Variants in PHF19 observed in about 807,000 individuals in gnomAD.
PHF19 encodes PHD finger protein 19.
Under a neutral mutation model 79.8 loss-of-function variants are expected in PHF19, and 21 were observed. The observed-to-expected ratio is 0.26, with a 90% CI of 0.19 to 0.38. The LOEUF (loss-of-function observed/expected upper bound fraction) is 0.38, where lower values mean the gene tolerates loss of function less well. Among genes scored for constraint, PHF19 ranks in the 10% least tolerant of loss-of-function variants. The probability of loss-of-function intolerance (pLI) is 1.00; values close to 1 mark genes in which losing one functional copy is unlikely to be tolerated. For missense variants in PHF19, 445 were observed against 744.2 expected (o/e 0.60, Z 4.68); for synonymous variants, 273 against 296.3 (o/e 0.92, Z 0.81).
chr9:120,877,725 C>T (rs1031853806), upstream of PHF19, among the ~76,000 whole-genome samples: 2 of 152,206 alleles, frequency 1.3e-5, no homozygotes, highest in Non-Finnish European at 2.9e-5. Flanking sequence ...AGGCGTTCGG[C>T]ACAGAGACAC....
chr9:120,861,008 T>C (rs920605546), intron 13 of PHF19, 81 bp downstream of exon 13: 79 of 853,752 alleles, frequency 9.3e-5, no homozygotes, highest in Non-Finnish European at 1.2e-4. Flanking sequence ...GCAGGGATCC[T>C]TTTAACTGAG....
intron 1 of PHF19, among the ~76,000 whole-genome samples, chr9:120,889,907 C>T (rs1287467598): frequency 6.6e-6 from 1 of 152,054 alleles, no homozygotes; most frequent in Admixed American, 6.6e-5. Flanking sequence ...CTGGACTGGA[C>T]TTGGACTTAG....
Position 120,858,194 on chromosome 9 carries a change from C to T in PHF19, c.1493G>A (p.Cys498Tyr), listed in dbSNP as rs771726515. ...KRWAAELDGR[C>Y]PSDSSAEGAS... Reference sequence around the variant, plus strand: ...CCCCTCTGCACTGCTGTCCGAGGGGCAGCGTCCATCCAGCTCAGCTGCCCA... The same window carrying T: ...CCCCTCTGCACTGCTGTCCGAGGGGTAGCGTCCATCCAGCTCAGCTGCCCA... The change falls in exon 15 of 15, where the codon TGC becomes TAC. Residue 498 changes from cysteine (C) to tyrosine (Y), a missense_variant. Transcript: ENST00000373896. 2.5e-6 allele frequency: 4 copies of T among 1,598,284 alleles called. No homozygotes were observed. The highest frequency in any genetic ancestry group is 2.2e-5 in the East Asian group (1 of 44,480).
At chr9:120,880,635 G>C (rs920472720), upstream of PHF19, among the ~76,000 whole-genome samples, 18 of 152,204 alleles carry the variant, frequency 1.2e-4, no homozygotes, top group Non-Finnish European at 2.5e-4. Context: ...TTGTAGCATA[G>C]GTACAGTGTG....
chr9:120,886,649 C>T (rs1358274973), intron 1 of PHF19, among the ~76,000 whole-genome samples: 2 of 152,212 alleles, frequency 1.3e-5, no homozygotes, highest in Non-Finnish European at 2.9e-5. Flanking sequence ...GGAGTGTTTC[C>T]CACTCCAACG....
At chr9:120,901,987 C>T in the PHF19 span, among the ~76,000 whole-genome samples, 2 of 152,214 alleles carry the variant, frequency 1.3e-5, no homozygotes, top group Admixed American at 1.3e-4. Flanking sequence ...AGGTCTTCTA[C>T]TGAGGGGCTG....
rs1441755241 is a variant in PHF19 at position 120,860,912 on chromosome 9, A to C, written c.1304+177T>G. On this transcript the variant is annotated intron_variant, in intron 13 of 14. Coordinates refer to ENST00000373896, the MANE Select transcript of PHF19 (RefSeq NM_015651.3). The surrounding 1 kb of genome is among the most constrained non-coding windows in gnomAD (Gnocchi z 4.1). ...TGGGGCAAGGTGGGGAGGGCTGGAGAAGAGGGGAGGGCTGTGGTGCTCTGG... is the reference window on the plus strand; with the variant it reads ...TGGGGCAAGGTGGGGAGGGCTGGAGCAGAGGGGAGGGCTGTGGTGCTCTGG... 1.7e-6 allele frequency: 1 copy of C among 582,024 alleles called. No homozygotes were observed. Among genetic ancestry groups the C allele is most frequent in the South Asian group, 1.9e-5 (1 of 52,984 alleles). The allele number at this position is 582,024 out of a possible 1,614,324, so 36.1% of individuals were successfully genotyped here.
Position 120,866,107 on chromosome 9 carries a change from G to A in PHF19, c.711-11C>T. Reference sequence around the variant, plus strand: ...AAGAACAGGTAAAACCTGTGGGTGGGTAGAGACGGGGGCCTATGGTGGGAG... The same window carrying A: ...AAGAACAGGTAAAACCTGTGGGTGGATAGAGACGGGGGCCTATGGTGGGAG... On this transcript the variant is annotated splice_polypyrimidine_tract_variant and intron_variant, in intron 7 of 14. Transcript: ENST00000373896. The surrounding 1 kb of genome is among the most constrained non-coding windows in gnomAD (Gnocchi z 5.2). The A allele has an allele frequency of 6.2e-7, 1 of 1,610,276 alleles. No individual in the cohort carries two copies.
chr9:120,877,458 G>A (rs2046101916), upstream of PHF19: 3 of 654,864 alleles, frequency 4.6e-6, no homozygotes, highest in African/African-American at 2.2e-5. Flanking sequence ...CCCGCCCCGC[G>A]GGCGCGCATC....
chr9:120,901,660 A>G, the PHF19 span, among the ~76,000 whole-genome samples: 7 of 152,118 alleles, frequency 4.6e-5, no homozygotes, highest in Non-Finnish European at 1.0e-4. Flanking sequence ...GCTCATTTGG[A>G]TTAGGAGTCA....
rs543668337 is a variant in PHF19 at position 120,858,118 on chromosome 9, C to A, written c.1569G>T (p.Glu523Asp). 6.2e-7 allele frequency: 1 copy of A among 1,614,142 alleles called. No individual in the cohort carries two copies. The highest frequency in any genetic ancestry group is 2.2e-5 in the East Asian group (1 of 44,880). Reference sequence around the variant, plus strand: ...GGGATGAGTCATCTTCACTGATGCTCTCAAATGTGTGGCTGTCAATGCCTT... The same window carrying A: ...GGGATGAGTCATCTTCACTGATGCTATCAAATGTGTGGCTGTCAATGCCTT... ...PDEGIDSHTF[E>D]SISEDDSSLS... The change falls in exon 15 of 15, where the codon GAG (glutamate) becomes GAT (aspartate). Residue 523 changes from glutamate (E) to aspartate (D), a missense_variant. Glu to Asp is a conservative substitution (Grantham distance 45). Transcript: ENST00000373896.
In PHF19 at chr9:120,862,715, ACTT is replaced by A. The variant is rs1024596094; in HGVS notation, c.1000_1002del (p.Lys334del). ...ACGCGGATGCGCAGGCGGAAGATGC[ACTT>A]CTTCTTCTTGATCTCCTTGCCGCAG... On this transcript the variant is annotated inframe_deletion, in exon 11 of 15. Transcript: ENST00000373896. The surrounding 1 kb of genome is among the most constrained non-coding windows in gnomAD (Gnocchi z 4.6). The A allele has an allele frequency of 7.4e-6, 12 of 1,613,926 alleles. No individual in the cohort carries two copies. The highest frequency in any genetic ancestry group is 2.2e-5 in the East Asian group (1 of 44,878).
intron 9 of PHF19, among the ~76,000 whole-genome samples, chr9:120,864,574 T>C (rs1410680653): frequency 3.3e-5 from 5 of 152,092 alleles, no homozygotes; most frequent in Non-Finnish European, 7.4e-5. Context: ...TCCCAGCTAC[T>C]TGGGAGGCGG....
At chr9:120,895,899 T>C (rs2046397450), upstream of PHF19, among the ~76,000 whole-genome samples, 1 of 152,230 alleles carries the variant, frequency 6.6e-6, no homozygotes, top group Non-Finnish European at 1.5e-5. Context: ...GTGATCTGCC[T>C]GCCTCATCCT....
chr9:120,869,639 C>G lies in PHF19; in HGVS notation c.465+206G>C. ...TTATTGGTCCCGTTATTCCCGACAC[C>G]AAACCCATCTCCACTTTACAGTTGA... On this transcript the variant is annotated intron_variant, in intron 5 of 14. Coordinates refer to ENST00000373896, the MANE Select transcript of PHF19 (RefSeq NM_015651.3). This position sits in a 1 kb window ranked among gnomAD's most constrained non-coding sequence, Gnocchi z 5.8. 1 of 1,533,814 alleles carries G rather than the reference C, an allele frequency of 6.5e-7. No homozygotes were observed. Among genetic ancestry groups the G allele is most frequent in the Non-Finnish European group, 8.8e-7 (1 of 1,134,454 alleles).
At chr9:120,861,612 G>A (rs1018612272) in intron 12 of PHF19, among the ~76,000 whole-genome samples, 1 of 152,156 alleles carries the variant, frequency 6.6e-6, no homozygotes, top group Non-Finnish European at 1.5e-5. Flanking sequence ...TCCAGGCTGG[G>A]CTCTGCCACT....
Position 120,858,008 on chromosome 9 carries a change from C to T in PHF19, c.1679G>A (p.Arg560Gln). 1.2e-6 allele frequency: 2 copies of T among 1,613,938 alleles called. No homozygotes were observed. The highest frequency in any genetic ancestry group is 1.7e-6 in the Non-Finnish European group (2 of 1,179,868). ...AACCTTGCCCTCAGGTGTGACCCTC[C>T]GAGCCAACACCTGGTACTTCTCCCC... ...ACGEKYQVLA[R>Q]RVTPEGKVQY... is the part of the protein sequence containing the mutation. The change falls in exon 15 of 15, where the codon CGG (arginine) becomes CAG (glutamine). Residue 560 changes from arginine (R) to glutamine (Q), a missense_variant. Coordinates refer to ENST00000373896, the MANE Select transcript of PHF19 (RefSeq NM_015651.3).
intron 10 of PHF19, among the ~76,000 whole-genome samples, chr9:120,863,565 G>A (rs1265077372): frequency 2.0e-5 from 3 of 152,214 alleles, no homozygotes; most frequent in African/African-American, 7.2e-5. Context: ...AGGGACAGCG[G>A]CAGAGGACGC....
chr9:120,858,146 T>A lies in PHF19; in HGVS notation c.1541A>T (p.Asp514Val). 7 of 1,613,710 alleles carry A rather than the reference T, an allele frequency of 4.3e-6. No individual in the cohort carries two copies. Among genetic ancestry groups the A allele is most frequent in the Non-Finnish European group, 5.1e-6 (6 of 1,179,622 alleles). Residue 514 changes from aspartate to valine, a missense_variant, in exon 15 of 15, where the codon GAC (aspartate) becomes GTC (valine). By Grantham distance (152) the Asp-to-Val change is radical. Around this residue, in one of 5 missense-constraint regions of PHF19, gnomAD observed 125 missense variants for 180.5 expected, o/e 0.69. Coordinates refer to ENST00000373896, the MANE Select transcript of PHF19 (RefSeq NM_015651.3). ...AAATGTGTGGCTGTCAATGCCTTCG[T>A]CTGGCCGCTCGGGGACTGAAGCCCC... is the stretch of plus-strand genomic sequence containing the variant. ...AEGASVPERPDEGIDSHTFES... is the reference protein window; with the variant it reads ...AEGASVPERPVEGIDSHTFES...
Sources: gnomAD v4.1 joint callset for allele counts (sites outside exome capture counted in the v4.1 genomes callset) on GRCh38, gnomAD v4.1.1 for gene constraint, gnomAD v4.1.1 regional missense constraint, Gnocchi (gnomAD v3.1) non-coding constraint, MANE v1.5 for transcripts, NCBI Gene and HGNC (gene_info 2026-07-23, HGNC 2026-07-21) for gene names.